CCDC47: variants seen among roughly 807,000 people sequenced by gnomAD.
CCDC47 encodes the protein coiled-coil domain containing 47, also known as PAT complex subunit CCDC47.
CCDC47 carries 41 observed loss-of-function variants against 60.5 expected under a neutral mutation model. The ratio of observed to expected loss-of-function variants is 0.68; its 90% CI spans 0.53 to 0.88. The LOEUF (loss-of-function observed/expected upper bound fraction) is 0.88, where lower values mean the gene tolerates loss of function less well. CCDC47 is among the 40% of genes least tolerant of loss of function. The probability of loss-of-function intolerance (pLI) is 0.00; values close to 1 mark genes in which losing one functional copy is unlikely to be tolerated. For synonymous variants in CCDC47, 195 were observed against 190.7 expected (o/e 1.02, Z -0.18); for missense variants, 513 against 580.9 (o/e 0.88, Z 1.20).
intron 9 of CCDC47, 50 bp downstream of exon 9, chr17:63,754,382 AC>A (rs1420749509): frequency 1.7e-6 from 2 of 1,151,052 alleles, no homozygotes; most frequent in Non-Finnish European, 1.3e-6. Flanking sequence ...GTGTTTCAAC[AC>A]AGAAAGCTAG....
intron 1 of CCDC47, chr17:63,772,652 C>T (rs2039356566): frequency 1.3e-5 from 2 of 152,120 alleles, no homozygotes; most frequent in Middle Eastern, 3.2e-3. Context: ...CCAAAAGATC[C>T]GATCATTTCA....
intron 12 of CCDC47, chr17:63,747,771 T>TATAGTTCTTC: frequency 1.0e-6 from 1 of 985,406 alleles, no homozygotes; most frequent in African/African-American, 1.7e-5. Flanking sequence ...GCAAAGCATA[T>TATAGTTCTTC]ATAGTTCTTC....
chr17:63,752,308 A>C lies in CCDC47; in HGVS notation c.1203+12T>G. ...AGGTGCCAATTTATATAATACAGGCATTGGGTCTTACTTCTCTGTTGAGTC... is the reference window on the plus strand; with the variant it reads ...AGGTGCCAATTTATATAATACAGGCCTTGGGTCTTACTTCTCTGTTGAGTC... On this transcript the variant is annotated intron_variant, in intron 11 of 12. Transcript: ENST00000225726. 1 of 1,579,818 alleles carries C rather than the reference A, an allele frequency of 6.3e-7. No individual in the cohort carries two copies. The highest frequency in any genetic ancestry group is 8.7e-7 in the Non-Finnish European group (1 of 1,150,016).
chr17:63,753,926 T>G (rs1267195754), intron 9 of CCDC47, among the ~76,000 whole-genome samples: 1 of 151,958 alleles, frequency 6.6e-6, no homozygotes, highest in Non-Finnish European at 1.5e-5. Context: ...ACCAACATGG[T>G]GAAACCCCAT....
At chr17:63,747,256 T>C (rs2039127401) in intron 12 of CCDC47, 1 of 985,202 alleles carries the variant, frequency 1.0e-6, no homozygotes, top group Non-Finnish European at 1.2e-6. Context: ...TTGATTTTTT[T>C]CTGTACCCAG....
intron 6 of CCDC47, among the ~76,000 whole-genome samples, chr17:63,759,224 C>A (rs1453066757): frequency 1.3e-5 from 2 of 151,938 alleles, no homozygotes; most frequent in East Asian, 3.9e-4. Flanking sequence ...TGCAGTGACT[C>A]TTGCCTGTAA....
intron 4 of CCDC47, 48 bp from the exon 5 acceptor site, chr17:63,761,399 G>T: frequency 6.2e-7 from 1 of 1,610,014 alleles, no homozygotes; most frequent in African/African-American, 1.3e-5. Context: ...TGTCAAGGCC[G>T]GGCCGGGGGT....
At position 63,752,407 on chromosome 17, in the gene CCDC47, G is replaced by T; in HGVS notation, c.1116C>A (p.Tyr372Ter). 6.2e-7 allele frequency: 1 copy of T among 1,613,060 alleles called. No homozygotes were observed. Among genetic ancestry groups the T allele is most frequent in the Non-Finnish European group, 8.5e-7 (1 of 1,179,388 alleles). The change falls in exon 11 of 13, where the codon TAC (tyrosine) becomes TAA (stop). Residue 372 changes from tyrosine to a stop codon, truncating the protein, a stop_gained. Transcript: ENST00000225726. LOFTEE classifies it high-confidence loss of function. ...TFNVPGSGNT[Y>*]PKDMEALLPL... Reference sequence around the variant, plus strand: ...GTAGCAGTGCCTCCATATCCTTTGGGTAAGTGTTACCTGAGCCAGGCACTG... The same window carrying T: ...GTAGCAGTGCCTCCATATCCTTTGGTTAAGTGTTACCTGAGCCAGGCACTG...
rs754719975 is a variant in CCDC47, at chr17:63,752,301, T to C, written c.1203+19A>G. Reference sequence around the variant, plus strand: ...CAAAAAAAGGTGCCAATTTATATAATACAGGCATTGGGTCTTACTTCTCTG... The same window carrying C: ...CAAAAAAAGGTGCCAATTTATATAACACAGGCATTGGGTCTTACTTCTCTG... On this transcript the variant is annotated intron_variant, in intron 11 of 12. Coordinates refer to ENST00000225726, the MANE Select transcript of CCDC47 (RefSeq NM_020198.3). The C allele has an allele frequency of 1.6e-5, 24 of 1,544,002 alleles. No individual in the cohort carries two copies. In the Middle Eastern group the frequency reaches 5.1e-4, roughly 33 times the overall value.
At chr17:63,770,153 G>T (rs957553038) in intron 1 of CCDC47, among the ~76,000 whole-genome samples, 1 of 151,734 alleles carries the variant, frequency 6.6e-6, no homozygotes, top group Non-Finnish European at 1.5e-5. Flanking sequence ...AGTACAGATG[G>T]GGTTTCACCA....
At chr17:63,769,760 G>C (rs775454710) in intron 1 of CCDC47, among the ~76,000 whole-genome samples, 62 of 152,180 alleles carry the variant, frequency 4.1e-4, no homozygotes, top group Admixed American at 2.0e-4. Flanking sequence ...ACTAATGATA[G>C]CCAATAAGCT....
chr17:63,755,923 CAAAA>C (rs59036340), intron 8 of CCDC47, among the ~76,000 whole-genome samples: 15 of 98,508 alleles, frequency 1.5e-4, no homozygotes, highest in Admixed American at 3.1e-4. Context: ...AACTGGAGCT[CAAAA>C]AAAAAAAAAA....
chr17:63,765,120 C>CCACACACTCA (rs2039287930), intron 2 of CCDC47: 1 of 150,094 alleles, frequency 6.7e-6, no homozygotes, highest in African/African-American at 2.6e-5. Context: ...AGTATTCTCA[C>CCACACACTCA]CACACACACA....
chr17:63,752,315 C>T lies in CCDC47; in HGVS notation c.1203+5G>A. 6.2e-7 allele frequency: 1 copy of T among 1,600,230 alleles called. No homozygotes were observed. The highest frequency in any genetic ancestry group is 8.6e-7 in the Non-Finnish European group (1 of 1,167,930). ...AATTTATATAATACAGGCATTGGGT[C>T]TTACTTCTCTGTTGAGTCGGAACTT... On this transcript the variant is annotated splice_donor_5th_base_variant and intron_variant, in intron 11 of 12. Transcript: ENST00000225726.
intron 6 of CCDC47, among the ~76,000 whole-genome samples, chr17:63,757,679 A>G (rs2039218049): frequency 6.6e-6 from 1 of 152,248 alleles, no homozygotes; most frequent in Non-Finnish European, 1.5e-5. Context: ...AAGTCCAAAA[A>G]TAAAAAATAA....
At chr17:63,767,538 A>G (rs754177039) in intron 1 of CCDC47, among the ~76,000 whole-genome samples, 3 of 152,126 alleles carry the variant, frequency 2.0e-5, no homozygotes, top group Admixed American at 6.6e-5. Flanking sequence ...AAACCCATTT[A>G]GGCTGTATTT....
In CCDC47 at chr17:63,749,127, C is replaced by T. The variant is rs146260469; in HGVS notation, c.1372-2166G>A. ...CTTCAAATAATAATTCAAAAAATAG[C>T]TGGGCGTAGTGGCTCACGCCTGTAA... is the stretch of plus-strand genomic sequence containing the variant. On this transcript the variant is annotated intron_variant, in intron 12 of 12. Transcript: ENST00000225726. Among the ~76,000 whole-genome samples, 815 of 152,062 alleles carry T rather than the reference C, an allele frequency of 5.4e-3. 6 individuals are homozygous for T. The highest frequency in any genetic ancestry group is 0.018 in the African/African-American group (746 of 41,468).
intron 8 of CCDC47, 125 bp from the exon 9 acceptor site, chr17:63,754,643 C>T (rs1302491923): frequency 1.7e-6 from 1 of 584,604 alleles, no homozygotes; most frequent in South Asian, 2.1e-5. Flanking sequence ...CTTTGGGAGG[C>T]AGGTGGATTA....
In CCDC47 at chr17:63,764,098, A is replaced by G; in HGVS notation, c.465T>C (p.Ile155=). The change falls in exon 4 of 13, where the codon ATT becomes ATC. Residue 155 remains isoleucine, a synonymous_variant. Transcript: ENST00000225726. ...CAAGGCGACTGTTTTTATTCTTCCC[A>G]ATGATGTAATTCATGATATAAGCAA... The part of the protein sequence containing the change: ...GLLAYIMNYI[I]GKNKNSRLAQ... 6.2e-7 allele frequency: 1 copy of G among 1,613,188 alleles called. No individual in the cohort carries two copies. The highest frequency in any genetic ancestry group is 8.5e-7 in the Non-Finnish European group (1 of 1,179,814).
Sources: gnomAD v4.1 joint callset for allele counts (sites outside exome capture counted in the v4.1 genomes callset) on GRCh38, gnomAD v4.1.1 for gene constraint, MANE v1.5 for transcripts, NCBI Gene and HGNC (gene_info 2026-07-23, HGNC 2026-07-21) for gene names.